Variants in PREPL observed in about 807,000 individuals in gnomAD.
PREPL encodes the protein prolyl endopeptidase like.
PREPL carries 77 observed loss-of-function variants against 70.6 expected under a neutral mutation model. The ratio of observed to expected loss-of-function variants is 1.09; its 90% confidence interval spans 0.91 to 1.32. The LOEUF is 1.32. Ranked by LOEUF, PREPL falls within the 40% of genes most tolerant of loss-of-function variation. PREPL has a pLI of 0.00. For missense variants in PREPL, 1,002 were observed against 778.2 expected, an observed-to-expected ratio of 1.29 and a Z score of -3.42; for synonymous variants, 315 against 264.8, an observed-to-expected ratio of 1.19 and a Z score of -1.84.
Position 44,323,266 on chromosome 2 carries a change from G to A in PREPL, c.1625C>T (p.Pro542Leu). The stretch of plus-strand genomic sequence containing the variant: ...AACACAATTGTCTTTCACTACCTGA[G>A]GTTTAATATTTTGATAGGGACAGTA... ...KRYCPYQNIK[P>L]QHYPSIHITA... The change falls in exon 11 of 14, where the codon CCT becomes CTT. Residue 542 changes from proline to leucine, a missense_variant. Transcript: ENST00000409411. 2 of 1,595,410 alleles carry A rather than the reference G, an allele frequency of 1.3e-6. No individual in the cohort carries two copies. The highest frequency in any genetic ancestry group is 1.8e-5 in the Admixed American group (1 of 57,054).
intron 13 of PREPL, 174 bp downstream of exon 13, chr2:44,321,649 AAGAG>A (rs1439394907): frequency 1.3e-6 from 2 of 1,516,696 alleles, no homozygotes; most frequent in Non-Finnish European, 1.8e-6. Context: ...TATCAAGTAC[AAGAG>A]AGAGACATTT....
At chr2:44,359,794 T>C (rs1677471517) in intron 1 of PREPL, 1 of 1,020,772 alleles carries the variant, frequency 9.8e-7, no homozygotes, top group South Asian at 1.4e-5. Flanking sequence ...TACAGAGTAG[T>C]GGGTTCTCAG....
At chr2:44,346,764 G>C (rs745380148) in intron 1 of PREPL, among the ~76,000 whole-genome samples, 1 of 151,746 alleles carries the variant, frequency 6.6e-6, no homozygotes, top group African/African-American at 2.4e-5. Flanking sequence ...AGGAAAATCA[G>C]GTAGAGAAAA....
At chr2:44,356,007 A>G (rs1352405891) in intron 1 of PREPL, among the ~76,000 whole-genome samples, 1 of 152,140 alleles carries the variant, frequency 6.6e-6, no homozygotes, top group African/African-American at 2.4e-5. Flanking sequence ...ATCTGGATGG[A>G]TGGATGCTAG....
intron 12 of PREPL, 41 bp downstream of exon 12, chr2:44,322,690 G>C: frequency 1.3e-6 from 2 of 1,598,744 alleles, no homozygotes; most frequent in Non-Finnish European, 1.7e-6. Context: ...GTGGGTAGTA[G>C]TCTGTTTGGC....
chr2:44,321,749 G>C (rs1672976154), intron 13 of PREPL, 78 bp downstream of exon 13: 1 of 1,612,016 alleles, frequency 6.2e-7, no homozygotes, highest in Non-Finnish European at 8.5e-7. Flanking sequence ...TCATAAACCT[G>C]CTGCAACCAC....
At chr2:44,324,826 G>A (rs1673331193) in intron 10 of PREPL, among the ~76,000 whole-genome samples, 1 of 152,198 alleles carries the variant, frequency 6.6e-6, no homozygotes, top group Non-Finnish European at 1.5e-5. Context: ...GGTCGAGGCT[G>A]TAGTGAGCTG....
At chr2:44,325,588 C>T (rs545328374) in intron 10 of PREPL, among the ~76,000 whole-genome samples, 1 of 152,298 alleles carries the variant, frequency 6.6e-6, no homozygotes, top group East Asian at 1.9e-4. Context: ...ATATCCTTCT[C>T]ATCATTTCCT....
intron 12 of PREPL, among the ~76,000 whole-genome samples, chr2:44,322,119 C>A (rs560745638): frequency 2.0e-5 from 3 of 152,126 alleles, no homozygotes; most frequent in African/African-American, 7.2e-5. Context: ...ATGGAAAAGA[C>A]TATATGGTGC....
chr2:44,332,702 A>G, intron 7 of PREPL, 46 bp from the exon 8 acceptor site: 1 of 1,427,448 alleles, frequency 7.0e-7, no homozygotes, highest in Non-Finnish European at 9.6e-7. Context: ...TAGGCCACCA[A>G]GTATCATTAA....
At position 44,321,353 on chromosome 2, in the gene PREPL, G is replaced by A. The variant is rs375022100; in HGVS notation, c.*3C>T. ...TTTCCAATTCCCAGTTGAATGCAGT[G>A]TTTCAGAATTTCAGGTATTTCTTAA... On this transcript the variant is annotated 3_prime_UTR_variant, in exon 14 of 14. Coordinates refer to ENST00000409411, the MANE Select transcript of PREPL (RefSeq NM_001171613.2). 1.9e-5 allele frequency: 31 copies of A among 1,596,636 alleles called. No homozygotes were observed. The African/African-American group carries it at 3.4e-4, about 17-fold the overall frequency.
At position 44,338,213 on chromosome 2, in the gene PREPL, C is replaced by G. The variant is rs111843669; in HGVS notation, c.888+138G>C. ...ATAACCCTCCTAAACCCAAGAGTGA[C>G]TTTGCTAAATTCCATTTAAGTTACA... On this transcript the variant is annotated intron_variant, in intron 7 of 13. Coordinates refer to ENST00000409411, the MANE Select transcript of PREPL (RefSeq NM_001171613.2). The G allele has an allele frequency of 2.4e-3, 1,966 of 817,650 alleles. 26 individuals carry two copies. The African/African-American group carries it at 0.028, about 12-fold the overall frequency. 50.6% of individuals were successfully genotyped at this position (817,650 alleles called of 1,614,324 possible).
At chr2:44,343,185 A>T (rs1199995523) in intron 4 of PREPL, among the ~76,000 whole-genome samples, 6 of 152,242 alleles carry the variant, frequency 3.9e-5, no homozygotes, top group Non-Finnish European at 7.3e-5. Flanking sequence ...CTGCAACAAC[A>T]TTTAGTTAAA....
intron 1 of PREPL, among the ~76,000 whole-genome samples, chr2:44,354,783 G>C (rs1233984026): frequency 6.6e-6 from 1 of 152,190 alleles, no homozygotes; most frequent in Non-Finnish European, 1.5e-5. Flanking sequence ...TGCCATGTTG[G>C]TCAGGCTGGT....
chr2:44,325,574 A>G (rs1426611383), intron 10 of PREPL, among the ~76,000 whole-genome samples: 1 of 152,242 alleles, frequency 6.6e-6, no homozygotes, highest in Non-Finnish European at 1.5e-5. Context: ...GCAACCTAGC[A>G]TAAATATCCT....
chr2:44,332,562 T>C lies in PREPL; in HGVS notation c.983A>G (p.Tyr328Cys). 1 of 1,613,868 alleles carries C rather than the reference T, an allele frequency of 6.2e-7. No individual in the cohort carries two copies. Among genetic ancestry groups the C allele is most frequent in the Non-Finnish European group, 8.5e-7 (1 of 1,179,726 alleles). The change falls in exon 8 of 14, where the codon TAT becomes TGT. Residue 328 changes from tyrosine (Y) to cysteine (C), a missense_variant. Transcript: ENST00000409411. ...GCCTTCTGCAAACTTGTATGTGTAATATTTTGGGGGACGTATTGGAGAGCA... is the reference window on the plus strand; with the variant it reads ...GCCTTCTGCAAACTTGTATGTGTAACATTTTGGGGGACGTATTGGAGAGCA... The part of the protein sequence containing the change: ...QLCSPIRPPK[Y>C]YTYKFAEGKL...
intron 10 of PREPL, 21 bp from the exon 11 acceptor site, chr2:44,323,432 C>T (rs1673180535): frequency 1.3e-6 from 2 of 1,555,426 alleles, no homozygotes; most frequent in African/African-American, 2.8e-5. Context: ...GGCAAAGAAA[C>T]TTATACTTCA....
At chr2:44,350,125 AATG>A (rs1181892911) in intron 1 of PREPL, among the ~76,000 whole-genome samples, 2 of 152,186 alleles carry the variant, frequency 1.3e-5, no homozygotes, top group African/African-American at 4.8e-5. Flanking sequence ...AAAATTAGAC[AATG>A]ATGATATGAG....
intron 5 of PREPL, among the ~76,000 whole-genome samples, chr2:44,340,738 G>A (rs545900908): frequency 9.9e-4 from 151 of 152,082 alleles, no homozygotes; most frequent in African/African-American, 3.5e-3. Context: ...GACCACCCTG[G>A]CCAACATGGT....
Sources: allele counts gnomAD v4.1 joint callset (sites outside exome capture counted in the v4.1 genomes callset), GRCh38; gene constraint gnomAD v4.1.1; transcripts MANE v1.5; gene names NCBI Gene and HGNC (gene_info 2026-07-23, HGNC 2026-07-21).